The following JAKMIP2 variants were observed in gnomAD, a reference collection of about 807,000 sequenced individuals.
The protein encoded by JAKMIP2 is janus kinase and microtubule-interacting protein 2.
Under a neutral mutation model 115.0 loss-of-function variants are expected in JAKMIP2, and 25 were observed. The observed-to-expected ratio is 0.22, with a 90% CI of 0.16 to 0.30. The LOEUF (loss-of-function observed/expected upper bound fraction) is 0.30. Among genes scored for constraint, JAKMIP2 ranks in the 10% least tolerant of loss-of-function variants. The pLI, the probability that JAKMIP2 is intolerant of heterozygous loss-of-function variation, is 1.00. For synonymous variants in JAKMIP2, 334 were observed against 343.6 expected, an observed-to-expected ratio of 0.97 and a Z score of 0.31; for missense variants, 642 against 957.6, an observed-to-expected ratio of 0.67 and a Z score of 4.35.
At chr5:147,664,090 C>A (rs576632472) in intron 2 of JAKMIP2, among the ~76,000 whole-genome samples, 6 of 152,264 alleles carry the variant, frequency 3.9e-5, no homozygotes, top group East Asian at 1.9e-4. Context: ...ATTATTACAA[C>A]TGATTCTGTT....
chr5:147,692,983 G>A (rs541610020), intron 1 of JAKMIP2, among the ~76,000 whole-genome samples: 6 of 152,248 alleles, frequency 3.9e-5, no homozygotes, highest in African/African-American at 1.2e-4. Context: ...TTATCAACCA[G>A]CACAATCATA....
intron 7 of JAKMIP2, among the ~76,000 whole-genome samples, chr5:147,642,318 A>G (rs1236426733): frequency 1.3e-5 from 2 of 152,114 alleles, no homozygotes; most frequent in Admixed American, 6.5e-5. Flanking sequence ...TTTTTAAAAA[A>G]TTTTCTGGGA....
intron 2 of JAKMIP2, among the ~76,000 whole-genome samples, chr5:147,666,175 A>C (rs1056171703): frequency 6.6e-6 from 1 of 152,144 alleles, no homozygotes; most frequent in African/African-American, 2.4e-5. Flanking sequence ...GAAGTGTTTT[A>C]TTCTGAAGAA....
chr5:147,641,166 A>T (rs1479172094), intron 8 of JAKMIP2, among the ~76,000 whole-genome samples: 1 of 152,182 alleles, frequency 6.6e-6, no homozygotes, highest in East Asian at 1.9e-4. Context: ...TCAGGTATCT[A>T]TGTGATGGAG....
At chr5:147,604,800 TTTATTATTATTATTATTATTATTA>T (rs145441560) in intron 20 of JAKMIP2, among the ~76,000 whole-genome samples, 1 of 143,554 alleles carries the variant, frequency 7.0e-6, no homozygotes, top group Non-Finnish European at 1.5e-5. Context: ...GGCCAGACAT[TTTATTATTATTATTATTATTATTA>T]TTATTATTAT....
At position 147,604,987 on chromosome 5, in the gene JAKMIP2, C is replaced by G. The variant is rs573235260; in HGVS notation, c.2413-3176G>C. ...CTATCCCTCCCCTTGCTCCCCACCCCCCGACAGGCCCTGGTGTGTGATGTT... is the reference window on the plus strand; with the variant it reads ...CTATCCCTCCCCTTGCTCCCCACCCGCCGACAGGCCCTGGTGTGTGATGTT... On this transcript the variant is annotated intron_variant, in intron 20 of 21. Coordinates refer to ENST00000616793, the MANE Select transcript of JAKMIP2 (RefSeq NM_001270941.2). Among the ~76,000 whole-genome samples the G allele has an allele frequency of 2.6e-5, 4 of 151,844 alleles. No individual in the cohort carries two copies. In the South Asian group the frequency reaches 6.3e-4, roughly 24 times the overall value.
At chr5:147,667,952 A>C (rs1440246724) in intron 2 of JAKMIP2, among the ~76,000 whole-genome samples, 3 of 152,180 alleles carry the variant, frequency 2.0e-5, no homozygotes, top group African/African-American at 7.2e-5. Context: ...AGAAGACAGG[A>C]ATTCCCATCG....
chr5:147,696,649 T>A (rs765486309), intron 1 of JAKMIP2, among the ~76,000 whole-genome samples: 1 of 152,146 alleles, frequency 6.6e-6, no homozygotes, highest in Non-Finnish European at 1.5e-5. Flanking sequence ...TGGAACTGTG[T>A]AACAGACAGA....
At chr5:147,658,998 C>T (rs1217014793) in intron 3 of JAKMIP2, among the ~76,000 whole-genome samples, 1 of 151,912 alleles carries the variant, frequency 6.6e-6, no homozygotes, top group East Asian at 1.9e-4. Flanking sequence ...CTGGGACCCG[C>T]TTGTGAGACT....
At chr5:147,776,790 C>T (rs538616345) in intron 1 of JAKMIP2, among the ~76,000 whole-genome samples, 70 of 151,962 alleles carry the variant, frequency 4.6e-4, no homozygotes, top group Non-Finnish European at 8.5e-4. Context: ...TTGCCAGGCA[C>T]GGTGGTGAGC....
intron 1 of JAKMIP2, among the ~76,000 whole-genome samples, chr5:147,773,265 G>T (rs963823930): frequency 6.6e-6 from 1 of 152,032 alleles, no homozygotes; most frequent in Non-Finnish European, 1.5e-5. Context: ...TGCTTCATCG[G>T]CTACTCTCTG....
At chr5:147,729,330 C>T (rs10477347) in intron 1 of JAKMIP2, among the ~76,000 whole-genome samples, 2,717 of 152,262 alleles carry the variant, frequency 0.018, 89 homozygotes, top group African/African-American at 0.061. Flanking sequence ...ATGCTCGAGA[C>T]AGCCCTTTGA....
At chr5:147,593,979 A>T (rs773272136) in intron 21 of JAKMIP2, among the ~76,000 whole-genome samples, 1 of 152,198 alleles carries the variant, frequency 6.6e-6, no homozygotes, top group Non-Finnish European at 1.5e-5. Flanking sequence ...CAAAGATTAA[A>T]TCCTATATAT....
chr5:147,586,443 T>G lies in JAKMIP2; in HGVS notation c.*5264A>C, dbSNP rs962008878. ...TACTAACAGATGCTGGGGATCTGTT[T>G]TAGTTGGAAAATTGCATCATCCACT... On this transcript the variant is annotated 3_prime_UTR_variant, in exon 22 of 22. Coordinates refer to ENST00000616793, the MANE Select transcript of JAKMIP2 (RefSeq NM_001270941.2). The G allele has an allele frequency of 1.3e-5, 2 of 152,124 alleles. No homozygotes were observed. Among genetic ancestry groups the G allele is most frequent in the Admixed American group, 1.3e-4 (2 of 15,268 alleles). The allele number at this position is 152,124 out of a possible 1,614,324, so 9.4% of individuals were successfully genotyped here.
At chr5:147,660,549 T>A (rs114468800) in intron 3 of JAKMIP2, 2 of 404,044 alleles carry the variant, frequency 4.9e-6, no homozygotes, top group South Asian at 1.8e-5. Flanking sequence ...AAACAAACAA[T>A]AAAACTCTAC....
intron 1 of JAKMIP2, among the ~76,000 whole-genome samples, chr5:147,719,171 T>C (rs2126935403): frequency 7.6e-6 from 1 of 131,968 alleles, no homozygotes; most frequent in South Asian, 2.6e-4. Context: ...AGTGAGATTC[T>C]TAATCCTGAG....
At chr5:147,628,706 A>C in intron 16 of JAKMIP2, 45 bp downstream of exon 16, 1 of 1,475,848 alleles carries the variant, frequency 6.8e-7, no homozygotes, top group South Asian at 1.1e-5. Flanking sequence ...GTTCAGTATT[A>C]AGCCAGACAC....
intron 1 of JAKMIP2, among the ~76,000 whole-genome samples, chr5:147,759,690 ATAAGG>A (rs1754865399): frequency 6.6e-6 from 1 of 152,184 alleles, no homozygotes; most frequent in Non-Finnish European, 1.5e-5. Context: ...AGCTAACCTA[ATAAGG>A]TAAGGAGAAG....
At chr5:147,669,320 AG>A (rs1429346828) in intron 2 of JAKMIP2, among the ~76,000 whole-genome samples, 1 of 152,170 alleles carries the variant, frequency 6.6e-6, no homozygotes, top group Non-Finnish European at 1.5e-5. Context: ...GGAGCCAGGC[AG>A]GGGCAGCCAG....
Sources: allele counts gnomAD v4.1 joint callset (sites outside exome capture counted in the v4.1 genomes callset), GRCh38; gene constraint gnomAD v4.1.1; transcripts MANE v1.5; gene names NCBI Gene and HGNC (gene_info 2026-07-23, HGNC 2026-07-21).